The following MYLK variants were observed in gnomAD, a reference collection of about 807,000 sequenced individuals.
MYLK encodes the protein myosin light chain kinase.
In MYLK, 106 loss-of-function variants were observed where a neutral mutation model predicts 203.4. That is an observed-to-expected ratio of 0.52 (90% CI 0.45 to 0.61). The LOEUF is 0.61. MYLK is among the 20% of genes least tolerant of loss of function. The pLI, the probability that MYLK is intolerant of heterozygous loss-of-function variation, is 0.00. For synonymous variants in MYLK, 867 were observed against 959.5 expected (o/e 0.90, Z 1.78); for missense variants, 2,072 against 2,442.3 (o/e 0.85, Z 3.20).
intron 16 of MYLK, among the ~76,000 whole-genome samples, chr3:123,703,751 G>T (rs1343268414): frequency 6.6e-6 from 1 of 152,242 alleles, no homozygotes; most frequent in Non-Finnish European, 1.5e-5. Context: ...CTACCTTTAA[G>T]CACAGCCTTG....
At chr3:123,661,532 G>C (rs1306208575) in intron 23 of MYLK, among the ~76,000 whole-genome samples, 1 of 152,114 alleles carries the variant, frequency 6.6e-6, no homozygotes, top group Admixed American at 6.5e-5. Flanking sequence ...TTCTCCTTTA[G>C]AAATGAAAAA....
intron 9 of MYLK, chr3:123,734,756 T>TG (rs992022252): frequency 1.2e-5 from 2 of 160,040 alleles, no homozygotes; most frequent in African/African-American, 2.4e-5. Context: ...TGGGTCCCCA[T>TG]GGGCCCATCT....
At chr3:123,732,804 G>T (rs951286424) in intron 11 of MYLK, 92 bp downstream of exon 11, 18 of 1,249,898 alleles carry the variant, frequency 1.4e-5, no homozygotes, top group Middle Eastern at 2.6e-4. Context: ...AAGGCAGGGG[G>T]CTATAGGAGA....
At chr3:123,679,724 T>C (rs370550900) in intron 20 of MYLK, among the ~76,000 whole-genome samples, 2 of 152,330 alleles carry the variant, frequency 1.3e-5, no homozygotes. Context: ...TCTGTAAAGA[T>C]GAAGCACTTG....
At chr3:123,657,063 T>C in intron 24 of MYLK, 63 bp downstream of exon 24, 5 of 1,574,950 alleles carry the variant, frequency 3.2e-6, no homozygotes, top group Non-Finnish European at 4.4e-6. Context: ...GTACAGTCTT[T>C]ACATACACAA....
At chr3:123,662,864 G>A (rs1417381259) in intron 23 of MYLK, among the ~76,000 whole-genome samples, 1 of 152,218 alleles carries the variant, frequency 6.6e-6, no homozygotes, top group Non-Finnish European at 1.5e-5. Flanking sequence ...CAGGTCATGA[G>A]TTCTGGGGTG....
intron 5 of MYLK, among the ~76,000 whole-genome samples, chr3:123,749,772 T>G (rs563506988): frequency 2.8e-4 from 42 of 152,294 alleles, no homozygotes; most frequent in African/African-American, 9.1e-4. Flanking sequence ...AAGTAAGGCT[T>G]AGGAAGGTTA....
At chr3:123,822,468 C>T (rs2065970679) in intron 3 of MYLK, among the ~76,000 whole-genome samples, 1 of 152,182 alleles carries the variant, frequency 6.6e-6, no homozygotes, top group Non-Finnish European at 1.5e-5. Flanking sequence ...AAGAAACCTT[C>T]AAGGGAAGCC....
At chr3:123,638,324 G>T in intron 28 of MYLK, 130 bp from the exon 29 acceptor site, 1 of 1,336,858 alleles carries the variant, frequency 7.5e-7, no homozygotes, top group Non-Finnish European at 1.1e-6. Flanking sequence ...ACAGAGAACA[G>T]GCACAGAGAC....
At position 123,638,263 on chromosome 3, in the gene MYLK, C is replaced by T. The variant is rs536762284; in HGVS notation, c.4838-69G>A. On this transcript the variant is annotated intron_variant, in intron 28 of 33. Transcript: ENST00000360304. The stretch of plus-strand genomic sequence containing the variant: ...AGCCAGCTTGAGACCAGCAGCTGCC[C>T]GAATCTGTGTGTTGACCCCAACCTG... 8.6e-4 allele frequency: 1,382 copies of T among 1,607,246 alleles called. 20 individuals are homozygous for T. In the South Asian group the frequency reaches 0.014, roughly 17 times the overall value.
chr3:123,664,398 C>T lies in MYLK; in HGVS notation c.3832-140G>A, dbSNP rs1038142100. The T allele has an allele frequency of 4.1e-6, 5 of 1,221,454 alleles. No individual in the cohort carries two copies. In the African/African-American group the frequency reaches 7.5e-5, roughly 18 times the overall value. The allele number at this position is 1,221,454 out of a possible 1,614,324, so 75.7% of individuals were successfully genotyped here. On this transcript the variant is annotated intron_variant, in intron 22 of 33. Coordinates refer to ENST00000360304, the MANE Select transcript of MYLK (RefSeq NM_053025.4). The stretch of plus-strand genomic sequence containing the variant: ...GGGCTCAGTCTGGTCTGGACTCTGC[C>T]CTTCTCCCTGAGGCCCCTTCTCTCC...
At chr3:123,660,230 C>T (rs1356733684) in intron 23 of MYLK, among the ~76,000 whole-genome samples, 1 of 152,214 alleles carries the variant, frequency 6.6e-6, no homozygotes, top group African/African-American at 2.4e-5. Flanking sequence ...CTCCAGGGCT[C>T]AAGACTTTCC....
At chr3:123,615,925 A>T (rs1018701226) in intron 33 of MYLK, among the ~76,000 whole-genome samples, 2 of 152,270 alleles carry the variant, frequency 1.3e-5, no homozygotes, top group Non-Finnish European at 2.9e-5. Flanking sequence ...TTGGGATTAC[A>T]GGCGTGAGCC....
chr3:123,841,393 T>C (rs1484960550), intron 2 of MYLK, among the ~76,000 whole-genome samples: 1 of 152,176 alleles, frequency 6.6e-6, no homozygotes, highest in Non-Finnish European at 1.5e-5. Context: ...TATCTTTACA[T>C]AGTTTACACT....
At chr3:123,732,391 T>C (rs6776430) in intron 11 of MYLK, among the ~76,000 whole-genome samples, 7,247 of 152,270 alleles carry the variant, frequency 0.048, 572 homozygotes, top group African/African-American at 0.16. Context: ...AGTATACAAA[T>C]ACCACAATGG....
At position 123,653,988 on chromosome 3, in the gene MYLK, GT is replaced by G. The variant is rs1387513763; in HGVS notation, c.4288+3137del. Among the ~76,000 whole-genome samples, 690 of 104,718 alleles carry G rather than the reference GT, an allele frequency of 6.6e-3. 3 individuals are homozygous for G. The highest frequency in any genetic ancestry group is 0.042 in the African/African-American group (673 of 16,186). The allele number at this position is 104,718 out of a possible 152,430, so 68.7% of individuals were successfully genotyped here. A position where few individuals can be genotyped will look rare whatever the true frequency, so the allele number is the denominator to read the frequency against. Reference sequence around the variant, plus strand: ...ACTCTGCTCATTTCAGAGGGATGTTGTGTGTGTGTGTGTGTGTGTGTGTGTG... The same window carrying G: ...ACTCTGCTCATTTCAGAGGGATGTTGGTGTGTGTGTGTGTGTGTGTGTGTG... On this transcript the variant is annotated intron_variant, in intron 24 of 33. Transcript: ENST00000360304.
At chr3:123,713,261 C>T (rs1294720378) in intron 13 of MYLK, among the ~76,000 whole-genome samples, 1 of 152,126 alleles carries the variant, frequency 6.6e-6, no homozygotes, top group African/African-American at 2.4e-5. Flanking sequence ...GTTCTCAGAC[C>T]GGCAAGGTGG....
At chr3:123,761,507 A>G (rs1007489935) in intron 4 of MYLK, among the ~76,000 whole-genome samples, 4 of 152,128 alleles carry the variant, frequency 2.6e-5, no homozygotes, top group African/African-American at 9.7e-5. Flanking sequence ...TGGCCAGGAG[A>G]GCATCTCTTT....
chr3:123,772,235 T>C (rs1327048267), intron 4 of MYLK, among the ~76,000 whole-genome samples: 1 of 152,178 alleles, frequency 6.6e-6, no homozygotes, highest in Non-Finnish European at 1.5e-5. Flanking sequence ...AGATATGGAA[T>C]GTTAAAAAGC....
Sources: allele counts gnomAD v4.1 joint callset (sites outside exome capture counted in the v4.1 genomes callset), GRCh38; gene constraint gnomAD v4.1.1; transcripts MANE v1.5; gene names NCBI Gene and HGNC (gene_info 2026-07-23, HGNC 2026-07-21).